COL27A1: variants seen among roughly 807,000 people sequenced by gnomAD.
COL27A1 encodes the protein collagen alpha-1(XXVII) chain.
COL27A1 carries 106 observed loss-of-function variants against 251.3 expected under a neutral mutation model. The ratio of observed to expected loss-of-function variants is 0.42; its 90% confidence interval spans 0.36 to 0.50. The LOEUF is 0.50. Ranked by LOEUF, COL27A1 falls within the 20% of genes least tolerant of loss-of-function variation. COL27A1 has a pLI of 0.00. For synonymous variants in COL27A1, 1,000 were observed against 986.3 expected, an observed-to-expected ratio of 1.01 and a Z score of -0.26; for missense variants, 2,325 against 2,522.8, an observed-to-expected ratio of 0.92 and a Z score of 1.68.
intron 7 of COL27A1, among the ~76,000 whole-genome samples, chr9:114,198,648 T>G (rs993006388): frequency 3.7e-4 from 56 of 152,346 alleles, no homozygotes; most frequent in African/African-American, 1.2e-3. Flanking sequence ...ACAAGGCTGA[T>G]TGAAACAGTT....
chr9:114,157,939 A>G (rs1298424677), intron 1 of COL27A1, among the ~76,000 whole-genome samples: 1 of 152,216 alleles, frequency 6.6e-6, no homozygotes, highest in Non-Finnish European at 1.5e-5. Flanking sequence ...AGTGCTCAGT[A>G]AACGGCAGCT....
At chr9:114,267,376 C>T in intron 33 of COL27A1, 128 bp from the exon 34 acceptor site, 1 of 704,434 alleles carries the variant, frequency 1.4e-6, no homozygotes, top group Non-Finnish European at 2.3e-6. Flanking sequence ...AAGCTGCTCC[C>T]ACCTCTGCAT....
chr9:114,298,059 A>G (rs1005551085), intron 49 of COL27A1, among the ~76,000 whole-genome samples: 2 of 151,966 alleles, frequency 1.3e-5, no homozygotes, highest in African/African-American at 4.8e-5. Flanking sequence ...CTAGCTACTC[A>G]GGAGGCTGAA....
intron 32 of COL27A1, among the ~76,000 whole-genome samples, chr9:114,266,162 G>A (rs1452618915): frequency 2.6e-5 from 4 of 152,136 alleles, no homozygotes; most frequent in African/African-American, 4.8e-5. Context: ...CCTCAAGGCC[G>A]CTGCTGCATT....
rs1834105260 is a variant in COL27A1, at chr9:114,258,556, C to T, written c.3157C>T (p.Arg1053Ter). 13 of 1,614,080 alleles carry T rather than the reference C, an allele frequency of 8.1e-6. No homozygotes were observed. Among genetic ancestry groups the T allele is most frequent in the Non-Finnish European group, 1.1e-5 (13 of 1,180,006 alleles). ...CTCTTCCCAGGGTCCTCCAGGATCT[C>T]GAGGCCCACCAGGCATGAGGGGAGC... ...EPGPQGPPGS[R>*]GPPGMRGAKG... The change falls in exon 28 of 61, where the codon CGA (arginine) becomes TGA (stop). Residue 1053 changes from arginine (R) to a stop codon, truncating the protein, a stop_gained. Transcript: ENST00000356083. LOFTEE classifies it high-confidence loss of function.
chr9:114,225,271 CT>C (rs1432256095), intron 14 of COL27A1, among the ~76,000 whole-genome samples: 4 of 152,358 alleles, frequency 2.6e-5, no homozygotes, highest in African/African-American at 9.6e-5. Flanking sequence ...CCTCTTTTTG[CT>C]TCTGAGCAGC....
chr9:114,240,552 C>A, intron 21 of COL27A1, 65 bp downstream of exon 21: 1 of 1,488,042 alleles, frequency 6.7e-7, no homozygotes, highest in Non-Finnish European at 9.2e-7. Context: ...CCTGCCCTGT[C>A]CTGGGTACTG....
At position 114,194,386 on chromosome 9, in the gene COL27A1, GA is replaced by G; in HGVS notation, c.2017-16del. Reference sequence around the variant, plus strand: ...TCTAGATGACTTGGTGGCCAAAGTGGAATTGTTTTTGTTTCAGGGACAGAAA... The same window carrying G: ...TCTAGATGACTTGGTGGCCAAAGTGGATTGTTTTTGTTTCAGGGACAGAAA... On this transcript the variant is annotated splice_polypyrimidine_tract_variant and intron_variant, in intron 5 of 60. Coordinates refer to ENST00000356083, the MANE Select transcript of COL27A1 (RefSeq NM_032888.4). The G allele has an allele frequency of 1.9e-6, 3 of 1,613,360 alleles. No individual in the cohort carries two copies. Among genetic ancestry groups the G allele is most frequent in the Non-Finnish European group, 2.5e-6 (3 of 1,179,600 alleles).
chr9:114,301,658 A>G (rs766895012), intron 54 of COL27A1, 24 bp from the exon 55 acceptor site: 5 of 1,596,050 alleles, frequency 3.1e-6, no homozygotes, highest in Non-Finnish European at 3.4e-6. Context: ...ACCAGGGCTC[A>G]CTCTTCTTCT....
chr9:114,262,201 G>A (rs544387677), intron 28 of COL27A1, among the ~76,000 whole-genome samples: 2 of 152,344 alleles, frequency 1.3e-5, no homozygotes, highest in South Asian at 4.1e-4. Context: ...CGCCAGGCCT[G>A]TGCCCATGAA....
chr9:114,236,766 G>T (rs947084334), intron 17 of COL27A1, among the ~76,000 whole-genome samples: 25 of 152,178 alleles, frequency 1.6e-4, no homozygotes, highest in African/African-American at 5.8e-4. Flanking sequence ...GACAGGGGCT[G>T]CTGTTTCATG....
rs1236573015 is a variant in COL27A1, at chr9:114,304,797, G to C, written c.4938+124G>C. 3.8e-6 allele frequency: 3 copies of C among 788,922 alleles called. No homozygotes were observed. The Admixed American group carries it at 7.0e-5, about 19-fold the overall frequency. 48.9% of individuals were successfully genotyped at this position (788,922 alleles called of 1,614,324 possible). Reference sequence around the variant, plus strand: ...GGAGCATTTCAGAGTCCTGGTCTTGGTGGCATCTCGCATCCACAAATGGGG... The same window carrying C: ...GGAGCATTTCAGAGTCCTGGTCTTGCTGGCATCTCGCATCCACAAATGGGG... On this transcript the variant is annotated intron_variant, in intron 57 of 60. Coordinates refer to ENST00000356083, the MANE Select transcript of COL27A1 (RefSeq NM_032888.4).
intron 33 of COL27A1, among the ~76,000 whole-genome samples, chr9:114,266,840 G>A (rs1834779418): frequency 6.6e-6 from 1 of 152,158 alleles, no homozygotes; most frequent in Non-Finnish European, 1.5e-5. Context: ...GGGGCATTGG[G>A]TGGGACACAG....
chr9:114,168,586 C>T lies in COL27A1; in HGVS notation c.1031C>T (p.Ser344Phe). ...ATGCTCCCAGCCTCTGTTGGCGGCT[C>T]TACCAGAACGCCTCGCCCTGCGGCC... ...DPMLPASVGGSTRTPRPAAAQ... is the reference protein window; with the variant it reads ...DPMLPASVGGFTRTPRPAAAQ... Residue 344 changes from serine (S) to phenylalanine (F), a missense_variant, in exon 3 of 61, where the codon TCT (serine) becomes TTT (phenylalanine). Ser to Phe is a radical substitution (Grantham distance 155, BLOSUM62 -2). Transcript: ENST00000356083. The T allele has an allele frequency of 1.9e-6, 3 of 1,614,122 alleles. No homozygotes were observed. The highest frequency in any genetic ancestry group is 2.5e-6 in the Non-Finnish European group (3 of 1,179,982).
chr9:114,272,000 G>A (rs950072380), intron 36 of COL27A1: 3 of 152,158 alleles, frequency 2.0e-5, no homozygotes, highest in African/African-American at 4.8e-5. Flanking sequence ...CTGCATCCAA[G>A]CGTACAGCCG....
intron 19 of COL27A1, among the ~76,000 whole-genome samples, chr9:114,238,345 C>T (rs1369335934): frequency 1.3e-5 from 2 of 152,154 alleles, no homozygotes; most frequent in East Asian, 1.9e-4. Context: ...CTTTTTGACG[C>T]CCCCGTCTTT....
chr9:114,277,508 A>G (rs1246161911), intron 37 of COL27A1, among the ~76,000 whole-genome samples: 1 of 152,202 alleles, frequency 6.6e-6, no homozygotes, highest in Non-Finnish European at 1.5e-5. Context: ...GGACAGATCC[A>G]AGTTAGCCTG....
At chr9:114,175,185 C>T (rs1008175101) in intron 3 of COL27A1, among the ~76,000 whole-genome samples, 4 of 152,186 alleles carry the variant, frequency 2.6e-5, no homozygotes, top group South Asian at 2.1e-4. Context: ...GCTCTGTTTG[C>T]GTACGCCTGG....
chr9:114,162,852 G>A lies in COL27A1; in HGVS notation c.133+67G>A, dbSNP rs1363547626. 7 of 1,141,568 alleles carry A rather than the reference G, an allele frequency of 6.1e-6. No homozygotes were observed. The African/African-American group carries it at 6.2e-5, about 10-fold the overall frequency. The allele number at this position is 1,141,568 out of a possible 1,614,324, so 70.7% of individuals were successfully genotyped here. A position where few individuals can be genotyped will look rare whatever the true frequency, so the allele number is the denominator to read the frequency against. On this transcript the variant is annotated intron_variant, in intron 2 of 60. Coordinates refer to ENST00000356083, the MANE Select transcript of COL27A1 (RefSeq NM_032888.4). ...ACGGAAGGGGCCTGAGAACTCAGGG[G>A]TAGGAGACAGCCGTGCCTGTAATTG... is the stretch of plus-strand genomic sequence containing the variant.
Sources: allele counts gnomAD v4.1 joint callset (sites outside exome capture counted in the v4.1 genomes callset), GRCh38; gene constraint gnomAD v4.1.1; transcripts MANE v1.5; gene names NCBI Gene and HGNC (gene_info 2026-07-23, HGNC 2026-07-21).